Variants in ADAM22 observed in about 807,000 individuals in gnomAD.
ADAM22 encodes the protein ADAM metallopeptidase domain 22.
Under a neutral mutation model 144.6 loss-of-function variants are expected in ADAM22, and 65 were observed. The observed-to-expected ratio is 0.45, with a 90% CI of 0.37 to 0.55. The LOEUF (loss-of-function observed/expected upper bound fraction) is 0.55, where lower values mean the gene tolerates loss of function less well. ADAM22 is among the 20% of genes least tolerant of loss of function. ADAM22 has a pLI of 0.00. For missense variants in ADAM22, 974 were observed against 1,184.9 expected (o/e 0.82, Z 2.61); for synonymous variants, 391 against 412.6 (o/e 0.95, Z 0.63).
chr7:88,186,794 A>G (rs117829904), intron 30 of ADAM22, 93 bp downstream of exon 30: 11,804 of 792,132 alleles, frequency 0.015, 130 homozygotes, highest in South Asian at 0.03. Context: ...GTATCTCCCA[A>G]TACAAGTTCC....
At chr7:87,989,240 A>T (rs984792191) in intron 3 of ADAM22, among the ~76,000 whole-genome samples, 14 of 152,220 alleles carry the variant, frequency 9.2e-5, no homozygotes, top group African/African-American at 3.1e-4. Context: ...TAAACAAGCT[A>T]TGGTAAGTTT....
chr7:88,138,977 G>C (rs958880847), intron 14 of ADAM22, among the ~76,000 whole-genome samples: 4 of 152,236 alleles, frequency 2.6e-5, no homozygotes, highest in African/African-American at 7.2e-5. Flanking sequence ...GGTGGGCTTG[G>C]CTGTGACCCC....
At chr7:88,079,223 A>G (rs1282164716) in intron 4 of ADAM22, among the ~76,000 whole-genome samples, 3 of 152,214 alleles carry the variant, frequency 2.0e-5, no homozygotes, top group African/African-American at 4.8e-5. Context: ...TTTTCAACCC[A>G]GAATTTCATA....
chr7:88,039,423 CAG>C (rs202042440), intron 3 of ADAM22, among the ~76,000 whole-genome samples: 5,518 of 107,328 alleles, frequency 0.051, 200 homozygotes, highest in Middle Eastern at 0.09. Context: ...GCCTGGGCAA[CAG>C]GGCAACAGAG....
At chr7:88,035,675 A>G (rs1801364202) in intron 3 of ADAM22, among the ~76,000 whole-genome samples, 1 of 152,258 alleles carries the variant, frequency 6.6e-6, no homozygotes, top group Non-Finnish European at 1.5e-5. Flanking sequence ...TTCATGTTGT[A>G]TTAGATATTA....
intron 6 of ADAM22, 32 bp from the exon 7 acceptor site, chr7:88,116,713 A>G: frequency 6.4e-7 from 1 of 1,569,546 alleles, no homozygotes; most frequent in African/African-American, 1.3e-5. Context: ...CCTGTTGTAC[A>G]TGCTTAATCA....
At chr7:88,121,335 T>C (rs1829251965) in intron 7 of ADAM22, among the ~76,000 whole-genome samples, 1 of 152,076 alleles carries the variant, frequency 6.6e-6, no homozygotes, top group Non-Finnish European at 1.5e-5. Flanking sequence ...CAGCATATTA[T>C]TAGTAGTGAG....
intron 14 of ADAM22, among the ~76,000 whole-genome samples, chr7:88,136,477 G>A (rs1277606804): frequency 1.3e-5 from 2 of 151,998 alleles, no homozygotes; most frequent in East Asian, 1.9e-4. Context: ...TCATAATGTG[G>A]TATTACTGAA....
intron 4 of ADAM22, among the ~76,000 whole-genome samples, chr7:88,105,613 T>G (rs1226625306): frequency 6.6e-6 from 1 of 152,198 alleles, no homozygotes; most frequent in Non-Finnish European, 1.5e-5. Context: ...AATAAAAGAA[T>G]AAACCAGCCT....
At chr7:88,058,843 G>T (rs913180609) in intron 3 of ADAM22, among the ~76,000 whole-genome samples, 1 of 152,154 alleles carries the variant, frequency 6.6e-6, no homozygotes, top group Non-Finnish European at 1.5e-5. Flanking sequence ...AACATATACT[G>T]TGTTGCCTCT....
intron 3 of ADAM22, among the ~76,000 whole-genome samples, chr7:87,980,313 G>A (rs1252522229): frequency 1.2e-5 from 1 of 83,300 alleles, no homozygotes; most frequent in Non-Finnish European, 2.2e-5. Flanking sequence ...TGGGATCGAT[G>A]TTAAACATAG....
intron 13 of ADAM22, among the ~76,000 whole-genome samples, chr7:88,134,760 A>G (rs1832603424): frequency 6.6e-6 from 1 of 152,050 alleles, no homozygotes; most frequent in Non-Finnish European, 1.5e-5. Flanking sequence ...TGGTTTTTTT[A>G]TGTTTTATTT....
At chr7:88,038,601 C>T (rs1184518899) in intron 3 of ADAM22, among the ~76,000 whole-genome samples, 4 of 151,350 alleles carry the variant, frequency 2.6e-5, no homozygotes, top group Non-Finnish European at 4.4e-5. Flanking sequence ...ACTACAGGCG[C>T]GCACCACCAT....
At chr7:88,182,183 T>TTC (rs1019716975) in intron 29 of ADAM22, 159 bp downstream of exon 29, 1 of 628,310 alleles carries the variant, frequency 1.6e-6, no homozygotes, top group African/African-American at 1.8e-5. Flanking sequence ...ACCATGGCTT[T>TTC]TCTCTCTTAC....
intron 31 of ADAM22, among the ~76,000 whole-genome samples, chr7:88,195,509 T>TATTTC (rs1850478103): frequency 6.6e-6 from 1 of 151,890 alleles, no homozygotes; most frequent in African/African-American, 2.4e-5. Flanking sequence ...ACCTTTTATT[T>TATTTC]ATTTTATTTT....
chr7:88,039,218 C>T (rs1014762070), intron 3 of ADAM22, among the ~76,000 whole-genome samples: 2 of 151,170 alleles, frequency 1.3e-5, no homozygotes, highest in African/African-American at 2.4e-5. Context: ...CCAAGGGAGG[C>T]GGATCACGAG....
intron 3 of ADAM22, among the ~76,000 whole-genome samples, chr7:88,061,537 A>G (rs1242283784): frequency 6.6e-6 from 1 of 152,206 alleles, no homozygotes; most frequent in East Asian, 1.9e-4. Context: ...GTACATCTCC[A>G]TCAGAGCTCT....
intron 2 of ADAM22, 47 bp from the exon 3 acceptor site, chr7:87,978,289 T>G: frequency 7.2e-7 from 1 of 1,392,030 alleles, no homozygotes; most frequent in Non-Finnish European, 1.0e-6. Context: ...ATTGTCTGAT[T>G]AGTATGGCTG....
chr7:88,090,827 G>T (rs1819651277), intron 4 of ADAM22, among the ~76,000 whole-genome samples: 2 of 152,116 alleles, frequency 1.3e-5, no homozygotes, highest in South Asian at 4.1e-4. Context: ...TTCTGTAATT[G>T]CAGATAGGGC....
Sources: allele counts gnomAD v4.1 joint callset (sites outside exome capture counted in the v4.1 genomes callset), GRCh38; gene constraint gnomAD v4.1.1; transcripts MANE v1.5; gene names NCBI Gene and HGNC (gene_info 2026-07-23, HGNC 2026-07-21).